SETBP1: variants seen among roughly 807,000 people sequenced by gnomAD.
SETBP1 encodes the protein SET-binding protein.
In SETBP1, 9 loss-of-function variants were observed where a neutral mutation model predicts 101.0. The ratio of observed to expected loss-of-function variants is 0.09; its 90% CI spans 0.05 to 0.16. The LOEUF is 0.16. SETBP1 is among the 10% of genes least tolerant of loss of function. The pLI is 1.00. For synonymous variants in SETBP1, 818 were observed against 788.5 expected (o/e 1.04, Z -0.63); for missense variants, 1,858 against 2,033.8 (o/e 0.91, Z 1.66).
At chr18:44,700,286 G>C (rs1053478944) in intron 1 of SETBP1, among the ~76,000 whole-genome samples, 5 of 152,116 alleles carry the variant, frequency 3.3e-5, no homozygotes, top group African/African-American at 7.2e-5. Flanking sequence ...AGGTAGAGAG[G>C]AAGATCCTGG....
intron 4 of SETBP1, among the ~76,000 whole-genome samples, chr18:44,995,547 G>T (rs1349658361): frequency 2.6e-5 from 4 of 151,408 alleles, no homozygotes; most frequent in African/African-American, 9.7e-5. Flanking sequence ...GTGTGTGTGT[G>T]TGTGTGTGTG....
At chr18:44,797,773 G>T (rs1187859269) in intron 2 of SETBP1, among the ~76,000 whole-genome samples, 2 of 152,120 alleles carry the variant, frequency 1.3e-5, no homozygotes, top group African/African-American at 4.8e-5. Context: ...AGCAATTAGA[G>T]ATTTTTTTTT....
intron 2 of SETBP1, among the ~76,000 whole-genome samples, chr18:44,807,107 A>G (rs74958898): frequency 1.3e-5 from 2 of 152,072 alleles, no homozygotes; most frequent in Non-Finnish European, 2.9e-5. Flanking sequence ...TGGGAATCTT[A>G]TATTTTTTTC....
chr18:44,902,638 A>C (rs1235249679), intron 3 of SETBP1, among the ~76,000 whole-genome samples: 1 of 152,204 alleles, frequency 6.6e-6, no homozygotes, highest in Non-Finnish European at 1.5e-5. Flanking sequence ...TTATATGTGA[A>C]TATATAAGAT....
chr18:44,964,198 G>A (rs1313597095), intron 4 of SETBP1, among the ~76,000 whole-genome samples: 3 of 152,112 alleles, frequency 2.0e-5, no homozygotes, highest in Non-Finnish European at 4.4e-5. Context: ...ATGCTTCTTT[G>A]TGCTGTTATA....
chr18:44,767,933 T>C (rs545767094), intron 2 of SETBP1, among the ~76,000 whole-genome samples: 2 of 152,330 alleles, frequency 1.3e-5, no homozygotes, highest in South Asian at 4.1e-4. Flanking sequence ...CTGAGAACTA[T>C]TGGTAGGATG....
chr18:44,967,341 T>G (rs1373405582), intron 4 of SETBP1, among the ~76,000 whole-genome samples: 1 of 152,228 alleles, frequency 6.6e-6, no homozygotes, highest in Non-Finnish European at 1.5e-5. Context: ...CAAGAATGTG[T>G]ATGACTATTC....
In SETBP1 at chr18:45,063,571, A is replaced by G; in HGVS notation, c.4664A>G (p.His1555Arg). The change falls in exon 6 of 6, where the codon CAC becomes CGC. Residue 1555 changes from histidine (H) to arginine (R), a missense_variant. Coordinates refer to ENST00000649279, the MANE Select transcript of SETBP1 (RefSeq NM_015559.3). ...PKTPRGGKRK[H>R]KPQAPAQPPQ... ...ACCCCCCGAGGCGGAAAGAGGAAACACAAACCGCAGGCCCCCGCTCAGCCC... is the reference window on the plus strand; with the variant it reads ...ACCCCCCGAGGCGGAAAGAGGAAACGCAAACCGCAGGCCCCCGCTCAGCCC... 6.7e-7 allele frequency: 1 copy of G among 1,497,568 alleles called. No homozygotes were observed. Among genetic ancestry groups the G allele is most frequent in the Non-Finnish European group, 9.0e-7 (1 of 1,111,586 alleles). The allele number at this position is 1,497,568 out of a possible 1,614,324, so 92.8% of individuals were successfully genotyped here.
Position 44,920,021 on chromosome 18 carries a change from A to G in SETBP1, c.541-29860A>G, listed in dbSNP as rs922438322. On this transcript the variant is annotated intron_variant, in intron 3 of 5. Coordinates refer to ENST00000649279, the MANE Select transcript of SETBP1 (RefSeq NM_015559.3). ...TTGTCTTAGGTCATTTTGTGCTTTT[A>G]TAAGAGTATACTTCAGACTGGGTAA... 3.3e-5 allele frequency among the ~76,000 whole-genome samples: 5 copies of G among 152,276 alleles called. No individual in the cohort carries two copies. The South Asian group carries it at 1.0e-3, about 32-fold the overall frequency.
At chr18:45,026,153 A>G (rs1335314448) in intron 4 of SETBP1, among the ~76,000 whole-genome samples, 2 of 152,256 alleles carry the variant, frequency 1.3e-5, no homozygotes, top group African/African-American at 2.4e-5. Flanking sequence ...GGAAGAATCT[A>G]GAGAAGAATC....
intron 2 of SETBP1, among the ~76,000 whole-genome samples, chr18:44,827,149 A>C (rs1434882248): frequency 6.6e-6 from 1 of 152,136 alleles, no homozygotes; most frequent in Non-Finnish European, 1.5e-5. Context: ...TTTTCTTTTT[A>C]AAGAAAAGAA....
At chr18:44,942,289 C>T (rs534397959) in intron 3 of SETBP1, among the ~76,000 whole-genome samples, 16 of 152,268 alleles carry the variant, frequency 1.1e-4, no homozygotes, top group Admixed American at 1.0e-3. Context: ...TACTATATGA[C>T]CTAAGGACTC....
At chr18:44,868,086 T>C (rs1219292345) in intron 2 of SETBP1, among the ~76,000 whole-genome samples, 1 of 152,264 alleles carries the variant, frequency 6.6e-6, no homozygotes, top group Non-Finnish European at 1.5e-5. Flanking sequence ...TTTTGCTAGT[T>C]AATCATACAT....
chr18:44,859,305 AT>A (rs1568184839), intron 2 of SETBP1, among the ~76,000 whole-genome samples: 1 of 152,148 alleles, frequency 6.6e-6, no homozygotes, highest in Non-Finnish European at 1.5e-5. Context: ...CATGGGGCTA[AT>A]GGAAAGTCTG....
chr18:44,940,372 T>A (rs2071060018), intron 3 of SETBP1, among the ~76,000 whole-genome samples: 1 of 152,206 alleles, frequency 6.6e-6, no homozygotes, highest in African/African-American at 2.4e-5. Flanking sequence ...TCTCTAGAGT[T>A]AATATAATTA....
chr18:44,801,840 G>A (rs1446179516), intron 2 of SETBP1, among the ~76,000 whole-genome samples: 1 of 57,340 alleles, frequency 1.7e-5, no homozygotes, highest in South Asian at 7.0e-4. Context: ...CACTTCCTAC[G>A]TTGTGGTAGT....
intron 1 of SETBP1, among the ~76,000 whole-genome samples, chr18:44,690,111 TTTGGAA>T (rs1375765762): frequency 6.6e-6 from 1 of 152,138 alleles, no homozygotes; most frequent in Non-Finnish European, 1.5e-5. Context: ...TATATAAGCA[TTTGGAA>T]TGGGGATGGG....
At chr18:44,691,046 GGCACACTGGTTTTAGA>G (rs530626285) in intron 1 of SETBP1, among the ~76,000 whole-genome samples, 40 of 152,186 alleles carry the variant, frequency 2.6e-4, no homozygotes, top group African/African-American at 6.7e-4. Flanking sequence ...CAATTCAGAT[GGCACACTGGTTTTAGA>G]ACTCATGTAT....
chr18:44,726,065 C>T (rs976174515), intron 2 of SETBP1, among the ~76,000 whole-genome samples: 6 of 151,380 alleles, frequency 4.0e-5, no homozygotes, highest in Non-Finnish European at 5.9e-5. Context: ...TAAAAGATTC[C>T]TTCCCTCTGA....
Sources: allele counts gnomAD v4.1 joint callset (sites outside exome capture counted in the v4.1 genomes callset), GRCh38; gene constraint gnomAD v4.1.1; transcripts MANE v1.5; gene names NCBI Gene and HGNC (gene_info 2026-07-23, HGNC 2026-07-21).